Variants in FER1L6 observed in about 807,000 individuals in gnomAD.
The protein encoded by FER1L6 is fer-1 like family member 6.
A neutral mutation model predicts 219.2 loss-of-function variants in FER1L6; 177 were observed. The ratio of observed to expected loss-of-function variants is 0.81; its 90% confidence interval spans 0.71 to 0.91. The LOEUF (loss-of-function observed/expected upper bound fraction) is 0.91, where lower values mean the gene tolerates loss of function less well. FER1L6 is among the 40% of genes least tolerant of loss of function. The probability of loss-of-function intolerance (pLI) is 0.00; values close to 1 mark genes in which losing one functional copy is unlikely to be tolerated. For missense variants in FER1L6, 2,153 were observed against 2,259.9 expected (o/e 0.95, Z 0.96); for synonymous variants, 768 against 824.3 (o/e 0.93, Z 1.17).
intron 39 of FER1L6, 53 bp downstream of exon 39, chr8:124,103,362 G>A (rs935369957): frequency 6.5e-7 from 1 of 1,549,120 alleles, no homozygotes; most frequent in Non-Finnish European, 8.8e-7. Context: ...GGGGCATCAT[G>A]CTTTTCCACT....
At chr8:123,875,093 G>C (rs1256041373) in intron 1 of FER1L6, among the ~76,000 whole-genome samples, 1 of 152,094 alleles carries the variant, frequency 6.6e-6, no homozygotes, top group Non-Finnish European at 1.5e-5. Context: ...TACTTGGAAG[G>C]CTGAGGCAGG....
intron 1 of FER1L6, among the ~76,000 whole-genome samples, chr8:123,913,713 G>A (rs1269181842): frequency 6.6e-6 from 1 of 152,086 alleles, no homozygotes; most frequent in Non-Finnish European, 1.5e-5. Context: ...ACAAGTTTGA[G>A]GGCTGGGCAA....
At chr8:123,945,974 G>C (rs1814468378) in intron 1 of FER1L6, among the ~76,000 whole-genome samples, 1 of 152,146 alleles carries the variant, frequency 6.6e-6, no homozygotes, top group South Asian at 2.1e-4. Context: ...GAGTTCTGAA[G>C]TAAAACTCTG....
chr8:123,874,127 A>G (rs1235365876), intron 1 of FER1L6, among the ~76,000 whole-genome samples: 1 of 152,222 alleles, frequency 6.6e-6, no homozygotes, highest in Non-Finnish European at 1.5e-5. Flanking sequence ...AGACAGCTAA[A>G]TGAGGCTAGA....
intron 26 of FER1L6, among the ~76,000 whole-genome samples, chr8:124,065,227 C>G (rs1408127548): frequency 6.6e-6 from 1 of 151,218 alleles, no homozygotes; most frequent in Non-Finnish European, 1.5e-5. Flanking sequence ...AACTCCATCT[C>G]TACTAAAAAA....
At chr8:124,097,104 CATACT>C in intron 35 of FER1L6, among the ~76,000 whole-genome samples, 162 bp from the exon 36 acceptor site, 1 of 141,384 alleles carries the variant, frequency 7.1e-6, no homozygotes, top group Non-Finnish European at 1.5e-5. Flanking sequence ...TACATACATA[CATACT>C]TTTTTTGTCA....
intron 35 of FER1L6, among the ~76,000 whole-genome samples, 158 bp downstream of exon 35, chr8:124,095,196 T>C (rs1822227680): frequency 1.3e-5 from 2 of 152,202 alleles, no homozygotes; most frequent in Non-Finnish European, 1.5e-5. Context: ...TACTGGCATA[T>C]AGTGGGTAGA....
intron 34 of FER1L6, 54 bp downstream of exon 34, chr8:124,091,637 T>A: frequency 3.8e-6 from 6 of 1,575,280 alleles, no homozygotes; most frequent in Non-Finnish European, 4.3e-6. Flanking sequence ...AAAATCCTGA[T>A]TCTAGTGATA....
chr8:123,976,115 C>T, intron 9 of FER1L6, 31 bp downstream of exon 9: 1 of 1,522,484 alleles, frequency 6.6e-7, no homozygotes, highest in Non-Finnish European at 9.0e-7. Context: ...ACACTGCCTG[C>T]TAGGCCAGGG....
chr8:124,052,408 C>T (rs1820087083), intron 22 of FER1L6, among the ~76,000 whole-genome samples: 1 of 152,160 alleles, frequency 6.6e-6, no homozygotes, highest in South Asian at 2.1e-4. Flanking sequence ...CTAAAGAGAT[C>T]AGTGACACCT....
intron 12 of FER1L6, among the ~76,000 whole-genome samples, chr8:123,992,190 G>A (rs2130424212): frequency 6.6e-6 from 1 of 152,206 alleles, no homozygotes; most frequent in Non-Finnish European, 1.5e-5. Context: ...CCTGGTTTTG[G>A]AATCAGGGTG....
Position 124,017,754 on chromosome 8 carries a change from T to A in FER1L6, c.2013+36T>A, listed in dbSNP as rs1223747421. On this transcript the variant is annotated intron_variant, in intron 16 of 40. Transcript: ENST00000522917. ...ATCTATTTATACTTTGTGGACAGAG[T>A]TAAAAATAAACCTCACGGATGAGGC... 11 of 1,562,334 alleles carry A rather than the reference T, an allele frequency of 7.0e-6. No individual in the cohort carries two copies. In the East Asian group the frequency reaches 2.5e-4, roughly 35 times the overall value.
intron 11 of FER1L6, among the ~76,000 whole-genome samples, chr8:123,982,458 A>G (rs114786150): frequency 0.032 from 4,813 of 152,244 alleles, 165 homozygotes; most frequent in African/African-American, 0.087. Context: ...TGGAGGGTGT[A>G]TCTTGGCTAT....
At chr8:123,990,848 C>T (rs907344858) in intron 12 of FER1L6, among the ~76,000 whole-genome samples, 91 of 152,096 alleles carry the variant, frequency 6.0e-4, no homozygotes, top group African/African-American at 2.1e-3. Flanking sequence ...TTTGTGGTTT[C>T]TGGTCTTAGA....
At chr8:124,057,124 C>T (rs1273179088) in intron 22 of FER1L6, among the ~76,000 whole-genome samples, 1 of 152,340 alleles carries the variant, frequency 6.6e-6, no homozygotes, top group South Asian at 2.1e-4. Context: ...CCTCAAGTCA[C>T]CAACTTTATC....
intron 1 of FER1L6, among the ~76,000 whole-genome samples, chr8:123,876,963 G>A (rs1042557803): frequency 6.6e-6 from 1 of 152,338 alleles, no homozygotes; most frequent in East Asian, 1.9e-4. Flanking sequence ...TAGGCCCCTA[G>A]GCTGGCTTGG....
intron 1 of FER1L6, among the ~76,000 whole-genome samples, chr8:123,889,263 C>T (rs541581849): frequency 6.6e-6 from 1 of 152,108 alleles, no homozygotes; most frequent in African/African-American, 2.4e-5. Context: ...ACCTGATATT[C>T]ACAGGTTATA....
rs1014579760 is a variant in FER1L6, at chr8:124,044,528, G to A, written c.2590-1239G>A. Among the ~76,000 whole-genome samples the A allele has an allele frequency of 1.5e-4, 23 of 152,180 alleles. 1 individual carries two copies. The highest frequency in any genetic ancestry group is 5.3e-4 in the African/African-American group (22 of 41,432). Reference sequence around the variant, plus strand: ...AAAACGCTGAGATGACAGTTGATACGAGTTTTGGAGTCCAGGCCAGGTCTC... The same window carrying A: ...AAAACGCTGAGATGACAGTTGATACAAGTTTTGGAGTCCAGGCCAGGTCTC... On this transcript the variant is annotated intron_variant, in intron 20 of 40. Transcript: ENST00000522917.
At chr8:124,070,633 C>T in intron 30 of FER1L6, 35 bp downstream of exon 30, 1 of 1,532,538 alleles carries the variant, frequency 6.5e-7, no homozygotes, top group Non-Finnish European at 8.8e-7. Context: ...ATTTGGCTCT[C>T]CCTGTCCATA....
Sources: gnomAD v4.1 joint callset for allele counts (sites outside exome capture counted in the v4.1 genomes callset) on GRCh38, gnomAD v4.1.1 for gene constraint, MANE v1.5 for transcripts, NCBI Gene and HGNC (gene_info 2026-07-23, HGNC 2026-07-21) for gene names.